The following ADIPOR2 variants were observed in gnomAD, a reference collection of about 807,000 sequenced individuals.
ADIPOR2 encodes adiponectin receptor protein 2.
Under a neutral mutation model 40.9 loss-of-function variants are expected in ADIPOR2, and 18 were observed. The ratio of observed to expected loss-of-function variants is 0.44; its 90% CI spans 0.30 to 0.65. The LOEUF (loss-of-function observed/expected upper bound fraction) is 0.65. ADIPOR2 is among the 30% of genes least tolerant of loss of function. The probability of loss-of-function intolerance (pLI) is 0.09; values close to 1 mark genes in which losing one functional copy is unlikely to be tolerated. For synonymous variants in ADIPOR2, 165 were observed against 166.4 expected (o/e 0.99, Z 0.06); for missense variants, 283 against 479.2 (o/e 0.59, Z 3.82).
chr12:1,779,523 T>A (rs959441552), intron 4 of ADIPOR2, among the ~76,000 whole-genome samples: 4 of 150,750 alleles, frequency 2.7e-5, no homozygotes, highest in Non-Finnish European at 5.9e-5. Flanking sequence ...GAGTGGGGAA[T>A]GGGGGATGAC....
chr12:1,720,289 G>T (rs2154442093), intron 1 of ADIPOR2, among the ~76,000 whole-genome samples: 1 of 152,266 alleles, frequency 6.6e-6, no homozygotes, highest in South Asian at 2.1e-4. Flanking sequence ...ACTATTTTAG[G>T]TGCTGGGAAT....
At chr12:1,757,905 T>C in intron 2 of ADIPOR2, 5 of 835,584 alleles carry the variant, frequency 6.0e-6, no homozygotes, top group South Asian at 5.3e-5. Flanking sequence ...TCTCAACTTG[T>C]GGGGACTAGT....
intron 2 of ADIPOR2, among the ~76,000 whole-genome samples, 189 bp downstream of exon 2, chr12:1,754,703 TAC>T (rs1862080603): frequency 3.6e-5 from 2 of 54,806 alleles, no homozygotes; most frequent in Admixed American, 5.6e-4. Flanking sequence ...TTATTATTAC[TAC>T]TACTACTACT....
intron 1 of ADIPOR2, among the ~76,000 whole-genome samples, chr12:1,701,297 T>G (rs2094649792): frequency 6.6e-6 from 1 of 152,022 alleles, no homozygotes; most frequent in Non-Finnish European, 1.5e-5. Flanking sequence ...CCAGCTAATA[T>G]TTGTATATTT....
chr12:1,783,444 A>G (rs189890308), intron 6 of ADIPOR2, among the ~76,000 whole-genome samples: 2 of 146,570 alleles, frequency 1.4e-5, no homozygotes, highest in Admixed American at 7.1e-5. Context: ...CTGTTGCCCA[A>G]GCTGGGGTGC....
Position 1,730,092 on chromosome 12 carries a change from A to G in ADIPOR2, c.-86-24166A>G, listed in dbSNP as rs544021244. Among the ~76,000 whole-genome samples the G allele has an allele frequency of 4.0e-4, 61 of 152,286 alleles. No homozygotes were observed. The South Asian group carries it at 0.012, about 31-fold the overall frequency. ...TTACATTATGTTGTCACTCCTGAAC[A>G]TGAGATGTGATTCTCATTTACATTT... On this transcript the variant is annotated intron_variant, in intron 1 of 7. Coordinates refer to ENST00000357103, the MANE Select transcript of ADIPOR2 (RefSeq NM_024551.3).
rs1592592405 is a variant in ADIPOR2 at position 1,727,910 on chromosome 12, T to G, written c.-86-26348T>G. ...GGAGGGGCTTTGTAACTGAGGAGGT[T>G]TAGGAATTGAAAACTCATGTGTATT... On this transcript the variant is annotated intron_variant, in intron 1 of 7. Transcript: ENST00000357103. Among the ~76,000 whole-genome samples the G allele has an allele frequency of 2.0e-5, 3 of 152,034 alleles. No individual in the cohort carries two copies. In the South Asian group the frequency reaches 6.2e-4, roughly 32 times the overall value.
chr12:1,776,725 G>C (rs898809382), intron 3 of ADIPOR2, among the ~76,000 whole-genome samples: 1 of 152,176 alleles, frequency 6.6e-6, no homozygotes. Context: ...GGACTGAAAG[G>C]GTGGTTAGGG....
chr12:1,759,853 C>T (rs1169242457), intron 2 of ADIPOR2, among the ~76,000 whole-genome samples: 9 of 151,908 alleles, frequency 5.9e-5, no homozygotes, highest in Admixed American at 2.0e-4. Flanking sequence ...GCTGAAACCC[C>T]GTCTCTACGA....
intron 2 of ADIPOR2, among the ~76,000 whole-genome samples, chr12:1,766,698 C>G (rs1404390964): frequency 6.6e-6 from 1 of 152,170 alleles, no homozygotes; most frequent in East Asian, 1.9e-4. Flanking sequence ...TCCCCTCTGC[C>G]TCCCTGCTCC....
intron 2 of ADIPOR2, chr12:1,760,602 T>G (rs1326044550): frequency 6.6e-6 from 1 of 152,246 alleles, no homozygotes; most frequent in Non-Finnish European, 1.5e-5. Context: ...CTAGCTTCTT[T>G]TACTTAGCAT....
intron 1 of ADIPOR2, among the ~76,000 whole-genome samples, chr12:1,725,270 C>T (rs1024532923): frequency 2.6e-5 from 4 of 151,906 alleles, no homozygotes; most frequent in African/African-American, 9.7e-5. Context: ...TATAGGCATG[C>T]GCCACCATGC....
chr12:1,698,913 C>G (rs2094644734), intron 1 of ADIPOR2, among the ~76,000 whole-genome samples: 1 of 152,028 alleles, frequency 6.6e-6, no homozygotes, highest in Admixed American at 6.5e-5. Flanking sequence ...TAAGCATTTG[C>G]AGTATATTCT....
chr12:1,721,614 A>C (rs1423664445), intron 1 of ADIPOR2, among the ~76,000 whole-genome samples: 1 of 152,206 alleles, frequency 6.6e-6, no homozygotes, highest in Non-Finnish European at 1.5e-5. Context: ...AGGAGCTTTC[A>C]GTCTAGTGGG....
At chr12:1,740,576 C>T (rs910414579) in intron 1 of ADIPOR2, among the ~76,000 whole-genome samples, 2 of 152,170 alleles carry the variant, frequency 1.3e-5, no homozygotes, top group African/African-American at 4.8e-5. Flanking sequence ...TTGTAAAGTA[C>T]TGGGGGTTAG....
chr12:1,727,757 A>C (rs2094710882), intron 1 of ADIPOR2, among the ~76,000 whole-genome samples: 3 of 151,940 alleles, frequency 2.0e-5, no homozygotes, highest in Admixed American at 2.0e-4. Context: ...CACCAGGGCA[A>C]CTTCTGAACT....
chr12:1,758,970 A>G (rs1288591732), intron 2 of ADIPOR2, among the ~76,000 whole-genome samples: 1 of 152,240 alleles, frequency 6.6e-6, no homozygotes, highest in Non-Finnish European at 1.5e-5. Flanking sequence ...ACATGACAAG[A>G]TGAGAGCATG....
chr12:1,709,477 A>G (rs1367176404), intron 1 of ADIPOR2, among the ~76,000 whole-genome samples: 1 of 152,168 alleles, frequency 6.6e-6, no homozygotes, highest in Non-Finnish European at 1.5e-5. Context: ...GATGGAATTT[A>G]ATTTGTTCTC....
At chr12:1,729,691 T>C (rs2094715995) in intron 1 of ADIPOR2, among the ~76,000 whole-genome samples, 1 of 140,408 alleles carries the variant, frequency 7.1e-6, no homozygotes, top group Non-Finnish European at 1.5e-5. Flanking sequence ...CTATCCCTAA[T>C]AGTTGGCATC....
Sources: gnomAD v4.1 joint callset for allele counts (sites outside exome capture counted in the v4.1 genomes callset) on GRCh38, gnomAD v4.1.1 for gene constraint, MANE v1.5 for transcripts, NCBI Gene and HGNC (gene_info 2026-07-23, HGNC 2026-07-21) for gene names.